The following MYLK variants were observed in gnomAD, a reference collection of about 807,000 sequenced individuals.
MYLK encodes the protein myosin light chain kinase, smooth muscle.
MYLK carries 106 observed loss-of-function variants against 203.4 expected under a neutral mutation model. The observed-to-expected ratio is 0.52, with a 90% CI of 0.45 to 0.61. The LOEUF (loss-of-function observed/expected upper bound fraction) is 0.61. Among genes scored for constraint, MYLK ranks in the 20% least tolerant of loss-of-function variants. The pLI, the probability that MYLK is intolerant of heterozygous loss-of-function variation, is 0.00. For synonymous variants in MYLK, 867 were observed against 959.5 expected, an observed-to-expected ratio of 0.90 and a Z score of 1.78; for missense variants, 2,072 against 2,442.3, an observed-to-expected ratio of 0.85 and a Z score of 3.20.
At chr3:123,701,644 C>G in intron 16 of MYLK, 135 bp from the exon 17 acceptor site, 3 of 822,102 alleles carry the variant, frequency 3.6e-6, no homozygotes, top group Non-Finnish European at 6.2e-6. Context: ...TTCACCCCAG[C>G]CTTAGATTTA....
intron 3 of MYLK, among the ~76,000 whole-genome samples, chr3:123,829,498 T>C (rs753476053): frequency 6.6e-6 from 1 of 152,130 alleles, no homozygotes; most frequent in Non-Finnish European, 1.5e-5. Context: ...AAATTACAGC[T>C]AGATAAGAAG....
chr3:123,819,658 G>T (rs1326738085), intron 3 of MYLK, among the ~76,000 whole-genome samples: 1 of 151,866 alleles, frequency 6.6e-6, no homozygotes, highest in Non-Finnish European at 1.5e-5. Context: ...TCACATCCTA[G>T]CAACGTTTAG....
At chr3:123,793,294 G>T (rs1424005922) in intron 4 of MYLK, among the ~76,000 whole-genome samples, 1 of 152,156 alleles carries the variant, frequency 6.6e-6, no homozygotes, top group Non-Finnish European at 1.5e-5. Context: ...CACGGAAAAA[G>T]CAAGAGAAAA....
intron 19 of MYLK, among the ~76,000 whole-genome samples, chr3:123,690,223 C>G (rs2060609016): frequency 6.6e-6 from 1 of 152,136 alleles, no homozygotes; most frequent in African/African-American, 2.4e-5. Flanking sequence ...GCAGTTGCAG[C>G]TGGAGACAGG....
At chr3:123,867,227 T>C (rs2032390646) in intron 2 of MYLK, among the ~76,000 whole-genome samples, 1 of 151,934 alleles carries the variant, frequency 6.6e-6, no homozygotes, top group Non-Finnish European at 1.5e-5. Context: ...ATATGAAAAA[T>C]GGACATGTTC....
chr3:123,647,664 G>T (rs1313589546), intron 26 of MYLK, among the ~76,000 whole-genome samples: 1 of 152,060 alleles, frequency 6.6e-6, no homozygotes. Flanking sequence ...CTTTATGAAA[G>T]GCCCAGACTC....
chr3:123,875,421 A>G (rs745641963), intron 2 of MYLK, among the ~76,000 whole-genome samples: 1 of 152,208 alleles, frequency 6.6e-6, no homozygotes, highest in South Asian at 2.1e-4. Flanking sequence ...AGGAAAGAAC[A>G]CAGGGAGAGA....
At chr3:123,692,079 C>T (rs2060694597) in intron 19 of MYLK, among the ~76,000 whole-genome samples, 1 of 152,200 alleles carries the variant, frequency 6.6e-6, no homozygotes. Context: ...AATGCACTTC[C>T]TGCATTTCCT....
At chr3:123,736,974 T>C (rs964351983) in intron 8 of MYLK, among the ~76,000 whole-genome samples, 1 of 151,916 alleles carries the variant, frequency 6.6e-6, no homozygotes, top group African/African-American at 2.4e-5. Context: ...GGCTCACACC[T>C]GTAATCCCAG....
rs144883633 is a variant in MYLK, at chr3:123,711,452, C to T, written c.1805-1559G>A. On this transcript the variant is annotated intron_variant, in intron 13 of 33. Coordinates refer to ENST00000360304, the MANE Select transcript of MYLK (RefSeq NM_053025.4). ...TCAAGGAGGAGGGTGAGAGGCCTGG[C>T]GCCTCACTCACATTCAGTTTCTTGT... Among the ~76,000 whole-genome samples, 531 of 152,244 alleles carry T rather than the reference C, an allele frequency of 3.5e-3. 1 individual carries two copies. The highest frequency in any genetic ancestry group is 5.3e-3 in the Non-Finnish European group (363 of 68,014).
chr3:123,659,589 C>T (rs1391547482), intron 23 of MYLK: 3 of 449,144 alleles, frequency 6.7e-6, no homozygotes, highest in Non-Finnish European at 1.4e-5. Flanking sequence ...TCCCACTCCT[C>T]CACCTGCCTT....
chr3:123,657,456 C>T, intron 23 of MYLK, 28 bp from the exon 24 acceptor site: 1 of 1,610,606 alleles, frequency 6.2e-7, no homozygotes, highest in Non-Finnish European at 8.5e-7. Flanking sequence ...CAACATCACC[C>T]ACACTTTCCA....
intron 20 of MYLK, chr3:123,681,290 A>G (rs1477378373): frequency 6.6e-6 from 1 of 152,250 alleles, no homozygotes; most frequent in East Asian, 1.9e-4. Context: ...GCCTATGGTC[A>G]CGGAGAGGCT....
rs192264749 is a variant in MYLK, at chr3:123,750,475, A to C, written c.373+1856T>G. Among the ~76,000 whole-genome samples the C allele has an allele frequency of 2.0e-5, 3 of 152,278 alleles. No homozygotes were observed. In the East Asian group the frequency reaches 5.8e-4, roughly 29 times the overall value. The stretch of plus-strand genomic sequence containing the variant: ...AGTAGGGATTGAAGAAAACGTTTTC[A>C]TATTATCTAGGTTTTATATGCCTCC... On this transcript the variant is annotated intron_variant, in intron 5 of 33. Transcript: ENST00000360304.
At chr3:123,677,443 T>C (rs2060105870) in intron 20 of MYLK, among the ~76,000 whole-genome samples, 2 of 152,102 alleles carry the variant, frequency 1.3e-5, no homozygotes, top group South Asian at 2.1e-4. Flanking sequence ...GAACTGATCA[T>C]AGTAAGTTGG....
At chr3:123,649,466 C>G (rs1298064176) in intron 24 of MYLK, among the ~76,000 whole-genome samples, 2 of 152,222 alleles carry the variant, frequency 1.3e-5, no homozygotes, top group South Asian at 2.1e-4. Flanking sequence ...CTCATGGTCC[C>G]CAGATATACC....
At chr3:123,797,034 A>T (rs1347912314) in intron 3 of MYLK, among the ~76,000 whole-genome samples, 1 of 152,234 alleles carries the variant, frequency 6.6e-6, no homozygotes, top group African/African-American at 2.4e-5. Flanking sequence ...GAACTGGTCA[A>T]ATACAGTGGA....
At chr3:123,871,713 T>C (rs1011168017) in intron 2 of MYLK, among the ~76,000 whole-genome samples, 1 of 151,710 alleles carries the variant, frequency 6.6e-6, no homozygotes, top group Non-Finnish European at 1.5e-5. Context: ...CAGGTGTCAC[T>C]GGCAAATTCT....
intron 4 of MYLK, among the ~76,000 whole-genome samples, chr3:123,788,376 TG>T (rs2109072859): frequency 6.6e-6 from 1 of 152,112 alleles, no homozygotes; most frequent in African/African-American, 2.4e-5. Flanking sequence ...TTTTTTTTTT[TG>T]ATTTGTTATT....
Sources: allele counts gnomAD v4.1 joint callset (sites outside exome capture counted in the v4.1 genomes callset), GRCh38; gene constraint gnomAD v4.1.1; transcripts MANE v1.5; gene names NCBI Gene and HGNC (gene_info 2026-07-23, HGNC 2026-07-21).